The following TRHDE variants were observed in gnomAD, a reference collection of about 807,000 sequenced individuals.
The protein encoded by TRHDE is thyrotropin-releasing hormone-degrading ectoenzyme.
Under a neutral mutation model 125.7 loss-of-function variants are expected in TRHDE, and 72 were observed. The observed-to-expected ratio is 0.57, with a 90% confidence interval of 0.47 to 0.70. The LOEUF is 0.70. TRHDE is among the 30% of genes least tolerant of loss of function. TRHDE has a pLI of 0.00. For missense variants in TRHDE, 1,110 were observed against 1,327.1 expected, an observed-to-expected ratio of 0.84 and a Z score of 2.54; for synonymous variants, 509 against 509.1, an observed-to-expected ratio of 1.00 and a Z score of 0.00.
At chr12:72,274,559 G>A (rs116475711) in intron 1 of TRHDE, 227 of 152,242 alleles carry the variant, frequency 1.5e-3, no homozygotes, top group African/African-American at 5.3e-3. Flanking sequence ...GCACGCCCAT[G>A]TACTCAATCC....
intron 2 of TRHDE, chr12:72,256,754 C>A (rs1878823720): frequency 6.6e-6 from 1 of 152,164 alleles, no homozygotes; most frequent in Admixed American, 6.5e-5. Flanking sequence ...ATTGGTACAG[C>A]CCCTTCCTGT....
chr12:72,125,309 A>T (rs1875687721), intron 2 of TRHDE, among the ~76,000 whole-genome samples: 1 of 151,932 alleles, frequency 6.6e-6, no homozygotes. Context: ...GGTTGTTTAT[A>T]TGTATTTGAA....
chr12:72,338,036 T>C (rs939542508), intron 2 of TRHDE, among the ~76,000 whole-genome samples: 4 of 152,188 alleles, frequency 2.6e-5, no homozygotes, highest in African/African-American at 9.7e-5. Context: ...TGCAGGAATT[T>C]TCTGCTAACT....
chr12:72,182,751 C>G (rs1877120024), intron 2 of TRHDE, among the ~76,000 whole-genome samples: 1 of 152,162 alleles, frequency 6.6e-6, no homozygotes, highest in Non-Finnish European at 1.5e-5. Flanking sequence ...CTCTTCTCAG[C>G]CTCACCAGTC....
intron 5 of TRHDE, among the ~76,000 whole-genome samples, chr12:72,497,709 G>A (rs1023114982): frequency 2.0e-5 from 3 of 151,940 alleles, no homozygotes; most frequent in Non-Finnish European, 2.9e-5. Context: ...TAACAAGGTC[G>A]TATATGTGCT....
chr12:72,434,335 A>T (rs888244906), intron 3 of TRHDE, among the ~76,000 whole-genome samples: 32 of 150,864 alleles, frequency 2.1e-4, no homozygotes, highest in Non-Finnish European at 3.8e-4. Context: ...CAGTTAGCCA[A>T]GATGGCACCA....
chr12:72,617,780 T>C (rs1872882341), intron 12 of TRHDE, among the ~76,000 whole-genome samples: 1 of 152,184 alleles, frequency 6.6e-6, no homozygotes, highest in Non-Finnish European at 1.5e-5. Flanking sequence ...AGATTGTGCC[T>C]TCTTGCTGCA....
chr12:72,384,144 T>C (rs1872314359), intron 3 of TRHDE, among the ~76,000 whole-genome samples: 1 of 152,210 alleles, frequency 6.6e-6, no homozygotes. Flanking sequence ...TACTGTAATA[T>C]TTTGTTATTC....
rs1335071379 is a variant in TRHDE, at chr12:72,104,725, A to G, written n.175-923A>G. Among the ~76,000 whole-genome samples the G allele has an allele frequency of 9.8e-5, 15 of 152,304 alleles. No individual in the cohort carries two copies. The South Asian group carries it at 3.1e-3, about 32-fold the overall frequency. On this transcript the variant is annotated intron_variant and non_coding_transcript_variant, in intron 1 of 4. Transcript: ENST00000548156. The stretch of plus-strand genomic sequence containing the variant: ...AGAGGCCTGTTAATAAGAAAAAGAT[A>G]TATTTTCCAGTATCCATGCCACACT...
chr12:72,362,679 G>A (rs1871155294), intron 2 of TRHDE, among the ~76,000 whole-genome samples: 1 of 151,746 alleles, frequency 6.6e-6, no homozygotes, highest in African/African-American at 2.4e-5. Context: ...TTTTCTTCTA[G>A]GGTTTTTATG....
intron 1 of TRHDE, among the ~76,000 whole-genome samples, chr12:72,095,518 C>T (rs756488209): frequency 1.3e-5 from 2 of 152,092 alleles, no homozygotes; most frequent in African/African-American, 4.8e-5. Context: ...AGCTGAAATC[C>T]AGCTTGATGA....
chr12:72,238,323 C>CAT (rs1234151305), intron 2 of TRHDE, among the ~76,000 whole-genome samples: 1 of 13,668 alleles, frequency 7.3e-5, no homozygotes, highest in Non-Finnish European at 1.7e-4. Context: ...TATATATATA[C>CAT]ATATATATAT....
At chr12:72,142,016 G>C (rs1490147714) in intron 2 of TRHDE, among the ~76,000 whole-genome samples, 1 of 151,772 alleles carries the variant, frequency 6.6e-6, no homozygotes, top group Non-Finnish European at 1.5e-5. Context: ...AAATTTCCTG[G>C]GCATGCACAT....
At chr12:72,339,109 G>C (rs543993182) in intron 2 of TRHDE, among the ~76,000 whole-genome samples, 7 of 151,992 alleles carry the variant, frequency 4.6e-5, no homozygotes, top group Non-Finnish European at 1.5e-5. Flanking sequence ...TTTCCAGCAC[G>C]GTGGAGCAAT....
At chr12:72,420,328 G>A (rs1873900027) in intron 3 of TRHDE, among the ~76,000 whole-genome samples, 1 of 152,008 alleles carries the variant, frequency 6.6e-6, no homozygotes, top group Admixed American at 6.6e-5. Context: ...AGCAACTCCT[G>A]GTATTCTGAT....
At chr12:72,625,508 T>A (rs1009895473) in intron 15 of TRHDE, among the ~76,000 whole-genome samples, 1 of 151,832 alleles carries the variant, frequency 6.6e-6, no homozygotes, top group Non-Finnish European at 1.5e-5. Flanking sequence ...TAGAGGCACA[T>A]CTCTACTTTG....
At chr12:72,152,857 C>CT (rs1181926829) in intron 2 of TRHDE, among the ~76,000 whole-genome samples, 3 of 152,106 alleles carry the variant, frequency 2.0e-5, no homozygotes, top group East Asian at 1.9e-4. Flanking sequence ...CTAAAATTCT[C>CT]TTTTTTTGTT....
intron 6 of TRHDE, among the ~76,000 whole-genome samples, chr12:72,509,270 G>A (rs745411510): frequency 2.7e-5 from 4 of 148,006 alleles, no homozygotes; most frequent in South Asian, 2.1e-4. Context: ...AATAACCACC[G>A]CACCCCCCCG....
At chr12:72,494,126 T>G (rs929313252) in intron 5 of TRHDE, among the ~76,000 whole-genome samples, 22 of 152,018 alleles carry the variant, frequency 1.4e-4, no homozygotes, top group Non-Finnish European at 1.6e-4. Flanking sequence ...TACAACCACA[T>G]ATGTTTGCAG....
Sources: gnomAD v4.1 joint callset for allele counts (sites outside exome capture counted in the v4.1 genomes callset) on GRCh38, gnomAD v4.1.1 for gene constraint, MANE v1.5 for transcripts, NCBI Gene and HGNC (gene_info 2026-07-23, HGNC 2026-07-21) for gene names.